The following FAM135A variants were observed in gnomAD, a reference collection of about 807,000 sequenced individuals.
FAM135A encodes protein FAM135A.
FAM135A carries 79 observed loss-of-function variants against 146.8 expected under a neutral mutation model. That is an observed-to-expected ratio of 0.54 (90% confidence interval 0.45 to 0.65). The LOEUF (loss-of-function observed/expected upper bound fraction) is 0.65. FAM135A is among the 30% of genes least tolerant of loss of function. The pLI, the probability that FAM135A is intolerant of heterozygous loss-of-function variation, is 0.00. For missense variants in FAM135A, 1,623 were observed against 1,758.2 expected (o/e 0.92, Z 1.38); for synonymous variants, 562 against 603.6 (o/e 0.93, Z 1.01).
intron 4 of FAM135A, among the ~76,000 whole-genome samples, chr6:70,449,440 T>C (rs1290385689): frequency 6.6e-6 from 1 of 152,194 alleles, no homozygotes; most frequent in Non-Finnish European, 1.5e-5. Flanking sequence ...TAAACACCAT[T>C]CTACTCTCTG....
At chr6:70,510,160 T>A (rs1366895950) in intron 12 of FAM135A, among the ~76,000 whole-genome samples, 3 of 151,524 alleles carry the variant, frequency 2.0e-5, no homozygotes, top group African/African-American at 7.3e-5. Flanking sequence ...ATCAAAACGT[T>A]TATTGACAGC....
intron 5 of FAM135A, among the ~76,000 whole-genome samples, chr6:70,463,162 C>G (rs1020784577): frequency 6.6e-6 from 1 of 152,124 alleles, no homozygotes; most frequent in African/African-American, 2.4e-5. Context: ...TTTGTGCATG[C>G]TCTCCTCTCT....
At position 70,537,346 on chromosome 6, in the gene FAM135A, T is replaced by G. The variant is rs189939095; in HGVS notation, c.4117+935T>G. ...ATAAATTATATTTAACTCTGTCTCT[T>G]TTCATTGATCCCTGAAAATCTTATT... On this transcript the variant is annotated intron_variant, in intron 19 of 21. Transcript: ENST00000418814. Among the ~76,000 whole-genome samples, 859 of 152,284 alleles carry G rather than the reference T, an allele frequency of 5.6e-3. 3 individuals are homozygous for G. The highest frequency in any genetic ancestry group is 8.2e-3 in the Non-Finnish European group (558 of 68,014).
At chr6:70,481,917 G>GTA in intron 9 of FAM135A, 84 bp from the exon 10 acceptor site, 1 of 1,324,848 alleles carries the variant, frequency 7.5e-7, no homozygotes, top group South Asian at 1.6e-5. Context: ...AGATGGTTAA[G>GTA]TATTTTTTCT....
chr6:70,471,048 G>A (rs541346421), intron 5 of FAM135A, among the ~76,000 whole-genome samples: 14 of 152,268 alleles, frequency 9.2e-5, no homozygotes, highest in South Asian at 6.2e-4. Flanking sequence ...TGGAAAATAC[G>A]GTATGATTGC....
rs751234126 is a variant in FAM135A at position 70,556,852 on chromosome 6, A to G, written c.4331A>G (p.Asp1444Gly). ...RIEMCKTALKDKQSGQIYSEM... is the reference protein window; with the variant it reads ...RIEMCKTALKGKQSGQIYSEM... ...GAAATGTGTAAAACAGCTTTAAAGG[A>G]CAAACAGTCAGGTAATGGAATAAAA... is the stretch of plus-strand genomic sequence containing the variant. Residue 1444 changes from aspartate (D) to glycine (G), a missense_variant, in exon 21 of 22, where the codon GAC becomes GGC. This residue lies in a region of FAM135A where 138 missense variants were observed against 174.1 expected (regional missense o/e 0.79). Coordinates refer to ENST00000418814, the MANE Select transcript of FAM135A (RefSeq NM_001162529.3). The G allele has an allele frequency of 1.2e-6, 2 of 1,613,368 alleles. No individual in the cohort carries two copies. Among genetic ancestry groups the G allele is most frequent in the South Asian group, 2.2e-5 (2 of 91,070 alleles).
intron 13 of FAM135A, 108 bp downstream of exon 13, chr6:70,522,694 T>C: frequency 1.2e-6 from 1 of 804,288 alleles, no homozygotes; most frequent in East Asian, 2.7e-5. Flanking sequence ...ATATAAGAAA[T>C]TAGGAGAATT....
Position 70,526,521 on chromosome 6 carries a change from C to T in FAM135A, c.3437C>T (p.Thr1146Ile), listed in dbSNP as rs758358156. Residue 1146 changes from threonine to isoleucine, a missense_variant, in exon 15 of 22, where the codon ACT (threonine) becomes ATT (isoleucine). Physicochemically the swap from Thr to Ile is moderately conservative, Grantham distance 89. Transcript: ENST00000418814. ...DYLRDGINMP[T>I]VCTSGCLSFP... ...CTGAGAGATGGTATAAACATGCCTA[C>T]TGTCTGTACTTCTGGTTGTTTGTCC... is the stretch of plus-strand genomic sequence containing the variant. The T allele has an allele frequency of 6.2e-7, 1 of 1,613,582 alleles. No homozygotes were observed. The highest frequency in any genetic ancestry group is 1.1e-5 in the South Asian group (1 of 91,056).
At chr6:70,505,093 C>T (rs1447482031) in intron 12 of FAM135A, 1 of 147,920 alleles carries the variant, frequency 6.8e-6, no homozygotes, top group African/African-American at 2.5e-5. Context: ...TATATATATG[C>T]ATACATATAT....
At chr6:70,556,575 G>A in intron 20 of FAM135A, 175 bp from the exon 21 acceptor site, 1 of 515,660 alleles carries the variant, frequency 1.9e-6, no homozygotes, top group South Asian at 3.2e-5. Context: ...ACAGTGAGGT[G>A]GGTTTTTTTG....
At chr6:70,482,314 C>CT (rs1312173619) in intron 10 of FAM135A, among the ~76,000 whole-genome samples, 160 bp downstream of exon 10, 2 of 152,080 alleles carry the variant, frequency 1.3e-5, no homozygotes, top group Non-Finnish European at 2.9e-5. Flanking sequence ...TTGATAATCA[C>CT]TTTTTGCAAT....
chr6:70,472,065 A>G (rs1781730314), intron 5 of FAM135A, among the ~76,000 whole-genome samples: 1 of 152,146 alleles, frequency 6.6e-6, no homozygotes, highest in Non-Finnish European at 1.5e-5. Flanking sequence ...ATTCAAAGCC[A>G]GTGGTATAAG....
intron 2 of FAM135A, among the ~76,000 whole-genome samples, chr6:70,418,111 A>G (rs1227764024): frequency 6.6e-6 from 1 of 152,126 alleles, no homozygotes; most frequent in African/African-American, 2.4e-5. Flanking sequence ...ATGGCTGCAA[A>G]AGTTTCTAGA....
chr6:70,552,796 G>T (rs1295801157), intron 20 of FAM135A, among the ~76,000 whole-genome samples: 1 of 151,980 alleles, frequency 6.6e-6, no homozygotes, highest in Non-Finnish European at 1.5e-5. Context: ...AAATAAAAAA[G>T]GGTAGGGAGA....
intron 5 of FAM135A, among the ~76,000 whole-genome samples, chr6:70,464,724 T>C (rs1780095640): frequency 6.8e-6 from 1 of 146,308 alleles, no homozygotes; most frequent in Admixed American, 7.0e-5. Context: ...AGTGGTGCAG[T>C]GGTGTGATCT....
At chr6:70,480,703 GC>G (rs1293169024) in intron 8 of FAM135A, among the ~76,000 whole-genome samples, 197 bp from the exon 9 acceptor site, 2 of 152,036 alleles carry the variant, frequency 1.3e-5, no homozygotes, top group Non-Finnish European at 2.9e-5. Context: ...CAAACATCTA[GC>G]CCTAATTTTT....
intron 5 of FAM135A, among the ~76,000 whole-genome samples, chr6:70,454,272 A>C (rs1377012424): frequency 1.3e-5 from 2 of 151,932 alleles, no homozygotes; most frequent in Admixed American, 6.6e-5. Context: ...TTTTCTTGTA[A>C]ATTTGTTTAA....
intron 12 of FAM135A, among the ~76,000 whole-genome samples, chr6:70,521,224 A>G (rs572590203): frequency 2.2e-3 from 331 of 152,328 alleles, no homozygotes; most frequent in South Asian, 7.9e-3. Flanking sequence ...TCATTATTGT[A>G]GGACTTAGAG....
At chr6:70,428,501 A>T (rs901584200) in intron 4 of FAM135A, 82 bp downstream of exon 4, 2 of 856,396 alleles carry the variant, frequency 2.3e-6, no homozygotes, top group Non-Finnish European at 3.4e-6. Context: ...TTTTTATTCC[A>T]GCATATATAA....
Sources: allele counts gnomAD v4.1 joint callset (sites outside exome capture counted in the v4.1 genomes callset), GRCh38; gene constraint gnomAD v4.1.1; regional missense constraint gnomAD v4.1.1; transcripts MANE v1.5; gene names NCBI Gene and HGNC (gene_info 2026-07-23, HGNC 2026-07-21).